The following ERGIC1 variants were observed in gnomAD, a reference collection of about 807,000 sequenced individuals.
The protein encoded by ERGIC1 is endoplasmic reticulum-golgi intermediate compartment 1, also known as endoplasmic reticulum-Golgi intermediate compartment protein 1.
ERGIC1 carries 19 observed loss-of-function variants against 38.3 expected under a neutral mutation model. The observed-to-expected ratio is 0.50, with a 90% CI of 0.35 to 0.73. ERGIC1 has a LOEUF of 0.73. ERGIC1 is among the 30% of genes least tolerant of loss of function. The probability of loss-of-function intolerance (pLI) is 0.01; values close to 1 mark genes in which losing one functional copy is unlikely to be tolerated. For missense variants in ERGIC1, 294 were observed against 389.2 expected (o/e 0.76, Z 2.06); for synonymous variants, 124 against 157.6 (o/e 0.79, Z 1.60).
chr5:172,886,990 C>T lies in ERGIC1; in HGVS notation c.21-1709C>T, dbSNP rs566896506. ...TCTAGTACCCTCAGGGGCACAAGCA[C>T]AGGTGACTGGGAGCTAAGCAGGCGG... On this transcript the variant is annotated intron_variant, in intron 1 of 9. Transcript: ENST00000393784. Among the ~76,000 whole-genome samples the T allele has an allele frequency of 3.3e-5, 5 of 152,312 alleles. No individual in the cohort carries two copies. In the East Asian group the frequency reaches 9.6e-4, roughly 29 times the overall value.
intron 9 of ERGIC1, among the ~76,000 whole-genome samples, chr5:172,938,835 G>A (rs916919321): frequency 5.3e-5 from 8 of 151,934 alleles, no homozygotes; most frequent in Non-Finnish European, 8.8e-5. Flanking sequence ...AGGCTGAGGC[G>A]GGCGGATCAC....
At chr5:172,914,498 G>A (rs570362019) in intron 4 of ERGIC1, 176 of 703,830 alleles carry the variant, frequency 2.5e-4, no homozygotes, top group Middle Eastern at 3.6e-4. Context: ...GGGTGGCCCC[G>A]GGACCCCTAC....
rs552881225 is a variant in ERGIC1, at chr5:172,909,663, C to T, written c.156-4C>T. ...AAAGGTTCCTATACTTGTCTTTCCC[C>T]TAGTGTGAACGAGCTCTATGTCGAT... is the stretch of plus-strand genomic sequence containing the variant. On this transcript the variant is annotated splice_polypyrimidine_tract_variant and splice_region_variant and intron_variant, in intron 3 of 9. Coordinates refer to ENST00000393784, the MANE Select transcript of ERGIC1 (RefSeq NM_001031711.3). 2.5e-6 allele frequency: 4 copies of T among 1,614,078 alleles called. No individual in the cohort carries two copies. In the African/African-American group the frequency reaches 4.0e-5, roughly 16 times the overall value.
At chr5:172,943,556 G>T (rs552262138) in intron 9 of ERGIC1, among the ~76,000 whole-genome samples, 1 of 152,288 alleles carries the variant, frequency 6.6e-6, no homozygotes, top group East Asian at 1.9e-4. Flanking sequence ...CGGGGAAAGT[G>T]ACTGAACAGT....
intron 3 of ERGIC1, among the ~76,000 whole-genome samples, chr5:172,907,950 T>G (rs1003623615): frequency 3.3e-5 from 5 of 152,086 alleles, no homozygotes; most frequent in African/African-American, 1.2e-4. Context: ...AAAAAGTATT[T>G]GTTGAGCAAA....
rs573472747 is a variant in ERGIC1, at chr5:172,892,062, GTTTT to G, written c.82+3323_82+3326del. Among the ~76,000 whole-genome samples, 525 of 90,184 alleles carry G rather than the reference GTTTT, an allele frequency of 5.8e-3. 2 individuals are homozygous for G. Among genetic ancestry groups the G allele is most frequent in the Middle Eastern group, 0.019 (3 of 154 alleles). The allele number at this position is 90,184 out of a possible 152,430, so 59.2% of individuals were successfully genotyped here. ...GAGGAATTACTGGGTTAAAGAGTAT[GTTTT>G]TTTTTTTTTTTTTTTTTTTTGAAAC... is the stretch of plus-strand genomic sequence containing the variant. On this transcript the variant is annotated intron_variant, in intron 2 of 9. Transcript: ENST00000393784.
chr5:172,892,413 G>A, intron 2 of ERGIC1, among the ~76,000 whole-genome samples: 1 of 152,146 alleles, frequency 6.6e-6, no homozygotes, highest in East Asian at 1.9e-4. Context: ...GGAAAGATCA[G>A]GGCATTGGAG....
At chr5:172,859,822 A>C (rs1349050491) in intron 1 of ERGIC1, among the ~76,000 whole-genome samples, 1 of 152,174 alleles carries the variant, frequency 6.6e-6, no homozygotes, top group African/African-American at 2.4e-5. Context: ...TGGCTTCAGG[A>C]TTTGGAAGCC....
chr5:172,894,849 C>T (rs530985323), intron 2 of ERGIC1, among the ~76,000 whole-genome samples: 1 of 152,374 alleles, frequency 6.6e-6, no homozygotes, highest in South Asian at 2.1e-4. Flanking sequence ...CACTCTCTTT[C>T]TTCTCCCTTC....
rs893486179 is a variant in ERGIC1 at position 172,951,976 on chromosome 5, GC to G, written c.*1164del. 6.6e-6 allele frequency: 1 copy of G among 152,198 alleles called. No homozygotes were observed. The highest frequency in any genetic ancestry group is 2.4e-5 in the African/African-American group (1 of 41,404). The allele number at this position is 152,198 out of a possible 1,614,324, so 9.4% of individuals were successfully genotyped here. A position where few individuals can be genotyped will look rare whatever the true frequency, so the allele number is the denominator to read the frequency against. On this transcript the variant is annotated 3_prime_UTR_variant, in exon 10 of 10. Coordinates refer to ENST00000393784, the MANE Select transcript of ERGIC1 (RefSeq NM_001031711.3). ...CTGGTCACATGCCAACACGTTCCCA[GC>G]CCCTGAGGCAGCTCCAGGGTGCCCC...
intron 1 of ERGIC1, among the ~76,000 whole-genome samples, chr5:172,882,433 C>T (rs1762306985): frequency 6.6e-6 from 1 of 152,124 alleles, no homozygotes. Flanking sequence ...ACCATGAGAC[C>T]TTCATCTGAT....
intron 9 of ERGIC1, among the ~76,000 whole-genome samples, chr5:172,949,456 C>T (rs994326401): frequency 6.6e-6 from 1 of 152,176 alleles, no homozygotes; most frequent in African/African-American, 2.4e-5. Flanking sequence ...TGTAACCCAC[C>T]TGGCCCAGGG....
intron 8 of ERGIC1, chr5:172,932,801 C>A: frequency 2.3e-6 from 1 of 433,976 alleles, no homozygotes; most frequent in Non-Finnish European, 4.1e-6. Context: ...AGTCTCTGTC[C>A]TACAAAGGTC....
rs1378177599 is a variant in ERGIC1, at chr5:172,909,703, C to T, written c.192C>T (p.Asp64=). The change falls in exon 4 of 10, where the codon GAC becomes GAT. Residue 64 remains aspartate, a synonymous_variant. Coordinates refer to ENST00000393784, the MANE Select transcript of ERGIC1 (RefSeq NM_001031711.3). The part of the protein sequence containing the change: ...NELYVDDPDK[D]SGGKIDVSLN... Reference sequence around the variant, plus strand: ...TCTATGTCGATGACCCAGACAAGGACAGCGGTGGCAAGATCGACGTCAGTC... The same window carrying T: ...TCTATGTCGATGACCCAGACAAGGATAGCGGTGGCAAGATCGACGTCAGTC... 1.2e-6 allele frequency: 2 copies of T among 1,614,118 alleles called. No homozygotes were observed. Among genetic ancestry groups the T allele is most frequent in the Admixed American group, 1.7e-5 (1 of 60,010 alleles).
chr5:172,876,971 T>G (rs1237140862), intron 1 of ERGIC1, among the ~76,000 whole-genome samples: 1 of 152,206 alleles, frequency 6.6e-6, no homozygotes, highest in Admixed American at 6.5e-5. Flanking sequence ...AAGCCTAATT[T>G]ATCATTTTTC....
chr5:172,870,809 T>C (rs930751931), intron 1 of ERGIC1, among the ~76,000 whole-genome samples: 1 of 152,116 alleles, frequency 6.6e-6, no homozygotes, highest in African/African-American at 2.4e-5. Context: ...TCATTGCTGG[T>C]GGGTGGTGAG....
intron 9 of ERGIC1, among the ~76,000 whole-genome samples, chr5:172,947,360 A>G (rs1172312078): frequency 2.6e-5 from 4 of 152,066 alleles, no homozygotes; most frequent in East Asian, 3.9e-4. Flanking sequence ...TATTTTTTGT[A>G]GAGATGGGGA....
intron 1 of ERGIC1, among the ~76,000 whole-genome samples, chr5:172,843,325 G>C (rs1356554154): frequency 1.3e-5 from 2 of 152,168 alleles, no homozygotes; most frequent in East Asian, 3.8e-4. Context: ...GGTAAGCCAA[G>C]GCACAGAGCT....
rs1361729357 is a variant in ERGIC1, at chr5:172,846,601, C to T, written c.20+12168C>T. 1.3e-5 allele frequency among the ~76,000 whole-genome samples: 2 copies of T among 152,182 alleles called. No homozygotes were observed. The highest frequency in any genetic ancestry group is 2.9e-5 in the Non-Finnish European group (2 of 68,026). On this transcript the variant is annotated intron_variant, in intron 1 of 9. Coordinates refer to ENST00000393784, the MANE Select transcript of ERGIC1 (RefSeq NM_001031711.3). The surrounding 1 kb of genome is among the most constrained non-coding windows in gnomAD (Gnocchi z 4.0). ...CAGTCTTTGGATTATGCCCTGTGCC[C>T]TTTGTAAGAAGAGCCAATAAGAAGG...
Sources: gnomAD v4.1 joint callset for allele counts (sites outside exome capture counted in the v4.1 genomes callset) on GRCh38, gnomAD v4.1.1 for gene constraint, Gnocchi (gnomAD v3.1) non-coding constraint, MANE v1.5 for transcripts, NCBI Gene and HGNC (gene_info 2026-07-23, HGNC 2026-07-21) for gene names.